The following PRR16 variants were observed in gnomAD, a reference collection of about 807,000 sequenced individuals.
The protein encoded by PRR16 is protein Largen.
PRR16 carries 6 observed loss-of-function variants against 18.2 expected under a neutral mutation model. The ratio of observed to expected loss-of-function variants is 0.33; its 90% confidence interval spans 0.18 to 0.65. The LOEUF is 0.65. Among genes scored for constraint, PRR16 ranks in the 30% least tolerant of loss-of-function variants. PRR16 has a pLI of 0.74. For missense variants in PRR16, 412 were observed against 376.6 expected (o/e 1.09, Z -0.78); for synonymous variants, 151 against 147.8 (o/e 1.02, Z -0.16).
intron 1 of PRR16, among the ~76,000 whole-genome samples, chr5:120,577,462 A>G (rs192291013): frequency 6.6e-6 from 1 of 151,858 alleles, no homozygotes; most frequent in Admixed American, 6.6e-5. Context: ...AATAGGGGCA[A>G]AGGAATAATA....
chr5:120,667,968 G>A (rs932904839), intron 1 of PRR16, among the ~76,000 whole-genome samples: 1 of 152,032 alleles, frequency 6.6e-6, no homozygotes, highest in African/African-American at 2.4e-5. Flanking sequence ...TGTCTATTAG[G>A]TCTGCTTGGT....
chr5:120,699,605 T>C, the PRR16 span, among the ~76,000 whole-genome samples: 1 of 152,264 alleles, frequency 6.6e-6, no homozygotes, highest in Non-Finnish European at 1.5e-5. Flanking sequence ...TTATGAGAAC[T>C]GTAGAGAGTG....
chr5:120,492,255 AGTGTGTGTGTGTGTGTGTGTGTGT>A (rs3991307), intron 1 of PRR16, among the ~76,000 whole-genome samples: 5 of 138,062 alleles, frequency 3.6e-5, no homozygotes, highest in Admixed American at 2.9e-4. Context: ...CGCTAATTTG[AGTGTGTGTGTGTGTGTGTGTGTGT>A]GTGTGTGTGT....
intron 1 of PRR16, among the ~76,000 whole-genome samples, chr5:120,537,741 G>A (rs1751766527): frequency 6.6e-6 from 1 of 151,074 alleles, no homozygotes; most frequent in Non-Finnish European, 1.5e-5. Flanking sequence ...GTCAGAGATG[G>A]TGACCCATAT....
At chr5:120,776,570 G>T in the PRR16 span, among the ~76,000 whole-genome samples, 1 of 152,004 alleles carries the variant, frequency 6.6e-6, no homozygotes, top group Admixed American at 6.6e-5. Context: ...GATAAATAAG[G>T]TTCCAAAATA....
chr5:120,712,797 G>C, the PRR16 span, among the ~76,000 whole-genome samples: 1 of 152,096 alleles, frequency 6.6e-6, no homozygotes, highest in East Asian at 1.9e-4. Context: ...TGGTTAGCTA[G>C]CTATTATCAA....
At chr5:120,637,294 G>A (rs374593234) in intron 1 of PRR16, among the ~76,000 whole-genome samples, 6 of 118,332 alleles carry the variant, frequency 5.1e-5, no homozygotes, top group Non-Finnish European at 1.0e-4. Flanking sequence ...GTATCTAGCC[G>A]GAGGAAAGTA....
At chr5:120,790,374 A>G in the PRR16 span, 5 of 152,228 alleles carry the variant, frequency 3.3e-5, no homozygotes, top group African/African-American at 1.2e-4. Flanking sequence ...AGTAAATTAT[A>G]AACTGATTTA....
chr5:120,479,612 T>A (rs1580621514), intron 1 of PRR16, among the ~76,000 whole-genome samples: 1 of 152,114 alleles, frequency 6.6e-6, no homozygotes, highest in East Asian at 1.9e-4. Flanking sequence ...AAAAAATGAG[T>A]CAAAGAAAAA....
intron 1 of PRR16, among the ~76,000 whole-genome samples, chr5:120,665,868 G>A (rs1372656654): frequency 6.6e-6 from 1 of 152,120 alleles, no homozygotes; most frequent in African/African-American, 2.4e-5. Flanking sequence ...TAGCCTTGTA[G>A]TATAGTTTGA....
chr5:120,759,000 G>C, the PRR16 span, among the ~76,000 whole-genome samples: 1 of 127,236 alleles, frequency 7.9e-6, no homozygotes, highest in Non-Finnish European at 1.6e-5. Flanking sequence ...TTTTGAGACG[G>C]AGTCTTGCTT....
At chr5:120,674,617 T>G (rs1016680329) in intron 1 of PRR16, among the ~76,000 whole-genome samples, 1 of 152,136 alleles carries the variant, frequency 6.6e-6, no homozygotes, top group African/African-American at 2.4e-5. Flanking sequence ...TTTTCATTCA[T>G]TCTCATCAGC....
At chr5:120,661,119 G>C (rs576095079) in intron 1 of PRR16, among the ~76,000 whole-genome samples, 5 of 152,204 alleles carry the variant, frequency 3.3e-5, no homozygotes, top group African/African-American at 1.2e-4. Context: ...CTTTATCATA[G>C]CTTGTCCTTT....
chr5:120,754,665 A>G, the PRR16 span, among the ~76,000 whole-genome samples: 1 of 135,476 alleles, frequency 7.4e-6, no homozygotes, highest in Non-Finnish European at 1.5e-5. Context: ...TATATTAAGC[A>G]GAATATTTTT....
At chr5:120,587,055 C>T (rs763757073) in intron 1 of PRR16, among the ~76,000 whole-genome samples, 7 of 152,130 alleles carry the variant, frequency 4.6e-5, no homozygotes, top group Non-Finnish European at 1.0e-4. Context: ...TCTGGATAGA[C>T]GATTAAACAT....
At chr5:120,505,798 T>C (rs928959398) in intron 1 of PRR16, among the ~76,000 whole-genome samples, 2 of 151,926 alleles carry the variant, frequency 1.3e-5, no homozygotes, top group African/African-American at 4.8e-5. Context: ...TAAACTGATA[T>C]AGATATATAC....
At chr5:120,469,109 C>A (rs1204547552) in intron 1 of PRR16, among the ~76,000 whole-genome samples, 1 of 152,040 alleles carries the variant, frequency 6.6e-6, no homozygotes, top group South Asian at 2.1e-4. Flanking sequence ...ACAATTTGAA[C>A]CCCATAGGAA....
At chr5:120,535,796 CA>C (rs1292699251) in intron 1 of PRR16, among the ~76,000 whole-genome samples, 1 of 150,236 alleles carries the variant, frequency 6.7e-6, no homozygotes, top group African/African-American at 2.4e-5. Flanking sequence ...GAGATCCTGT[CA>C]AAAAACAAAC....
chr5:120,716,152 G>A, the PRR16 span, among the ~76,000 whole-genome samples: 27 of 152,068 alleles, frequency 1.8e-4, no homozygotes, highest in African/African-American at 5.6e-4. Flanking sequence ...CCACATCTTT[G>A]CTACAGTTAC....
Sources: gnomAD v4.1 joint callset for allele counts (sites outside exome capture counted in the v4.1 genomes callset) on GRCh38, gnomAD v4.1.1 for gene constraint, MANE v1.5 for transcripts, NCBI Gene and HGNC (gene_info 2026-07-23, HGNC 2026-07-21) for gene names.